The following PTGER4 variants were observed in gnomAD, a reference collection of about 807,000 sequenced individuals.
PTGER4 encodes the protein prostaglandin E2 receptor EP4 subtype.
Under a neutral mutation model 33.2 loss-of-function variants are expected in PTGER4, and 11 were observed. That is an observed-to-expected ratio of 0.33 (90% CI 0.21 to 0.55). PTGER4 has a LOEUF of 0.55. PTGER4 is among the 20% of genes least tolerant of loss of function. PTGER4 has a pLI of 0.92. For synonymous variants in PTGER4, 275 were observed against 281.5 expected (o/e 0.98, Z 0.23); for missense variants, 481 against 650.2 (o/e 0.74, Z 2.83).
At chr5:40,728,332 C>T in the PTGER4 span, 3 of 1,310,006 alleles carry the variant, frequency 2.3e-6, no homozygotes, top group South Asian at 1.3e-5. Flanking sequence ...TTATAATAAT[C>T]TGACTTCCTC....
chr5:40,741,226 C>A, the PTGER4 span, among the ~76,000 whole-genome samples: 1 of 152,140 alleles, frequency 6.6e-6, no homozygotes, highest in African/African-American at 2.4e-5. Context: ...AGTTTGAACC[C>A]TTCAAAAACT....
the PTGER4 span, among the ~76,000 whole-genome samples, chr5:40,732,338 C>T: frequency 6.6e-6 from 1 of 152,008 alleles, no homozygotes; most frequent in Non-Finnish European, 1.5e-5. Flanking sequence ...ATTACTTGTT[C>T]TCACTTTATT....
chr5:40,722,478 G>A, the PTGER4 span, among the ~76,000 whole-genome samples: 7 of 148,410 alleles, frequency 4.7e-5, no homozygotes, highest in African/African-American at 1.2e-4. Context: ...TCTGCCTGGC[G>A]GCCCATCGTC....
downstream of PTGER4, among the ~76,000 whole-genome samples, chr5:40,698,105 AAAAAAAAAAAAAAAC>A (rs1241570532): frequency 4.2e-5 from 6 of 144,164 alleles, no homozygotes; most frequent in South Asian, 2.3e-4. Context: ...AAAAAAAAAA[AAAAAAAAAAAAAAAC>A]CATGAAAAAT....
rs933101998 is a variant in PTGER4, at chr5:40,690,655, T to C, written c.868-1124T>C. ...GAGATCCTGCTGTTGGTGTAAAACT[T>C]TTCAGCATATTCTTTCTAGACTAGA... On this transcript the variant is annotated intron_variant, in intron 2 of 2. Coordinates refer to ENST00000302472, the MANE Select transcript of PTGER4 (RefSeq NM_000958.3). 3.9e-5 allele frequency among the ~76,000 whole-genome samples: 6 copies of C among 152,356 alleles called. No individual in the cohort carries two copies. The East Asian group carries it at 1.2e-3, about 29-fold the overall frequency.
downstream of PTGER4, among the ~76,000 whole-genome samples, chr5:40,694,847 T>G (rs1395409682): frequency 6.6e-6 from 1 of 152,256 alleles, no homozygotes; most frequent in Non-Finnish European, 1.5e-5. Flanking sequence ...CAGTCATCTA[T>G]TCCATATTTA....
chr5:40,719,684 A>G, the PTGER4 span, among the ~76,000 whole-genome samples: 3 of 152,082 alleles, frequency 2.0e-5, no homozygotes, highest in Non-Finnish European at 4.4e-5. Context: ...GAGGACTCCA[A>G]TTTCTCCACA....
chr5:40,681,836 G>A lies in PTGER4; in HGVS notation c.843G>A (p.Val281=). 1.3e-6 allele frequency: 2 copies of A among 1,551,910 alleles called. No homozygotes were observed. Among genetic ancestry groups the A allele is most frequent in the Non-Finnish European group, 1.7e-6 (2 of 1,153,568 alleles). Residue 281 remains valine (V), a synonymous_variant, in exon 2 of 3, where the codon GTG becomes GTA. Coordinates refer to ENST00000302472, the MANE Select transcript of PTGER4 (RefSeq NM_000958.3). This position sits in a 1 kb window ranked among gnomAD's most constrained non-coding sequence, Gnocchi z 9.8. ...TACTCATTGCCACCTCCCTGGTGGT[G>A]CTCATCTGCTCCATCCCGCTCGTGG... ...VILLIATSLV[V]LICSIPLVVR... is the part of the protein sequence containing the mutation.
At chr5:40,741,324 C>G in the PTGER4 span, among the ~76,000 whole-genome samples, 2 of 152,200 alleles carry the variant, frequency 1.3e-5, no homozygotes, top group African/African-American at 4.8e-5. Context: ...CCCCCTGTGA[C>G]TCCAGTAAAT....
At chr5:40,716,226 A>G in the PTGER4 span, 1 of 1,614,228 alleles carries the variant, frequency 6.2e-7, no homozygotes, top group South Asian at 1.1e-5. Context: ...TGGCCCCAGA[A>G]GCAGACACAA....
chr5:40,730,465 C>T, the PTGER4 span: 16 of 689,558 alleles, frequency 2.3e-5, no homozygotes, highest in African/African-American at 2.5e-4. Flanking sequence ...GTGTACAGTT[C>T]AGAGGCATTA....
At chr5:40,701,447 G>A in the PTGER4 span, among the ~76,000 whole-genome samples, 45 of 152,170 alleles carry the variant, frequency 3.0e-4, no homozygotes, top group South Asian at 8.7e-3. Context: ...CTTGAAGACT[G>A]GTTCTCTGAA....
the PTGER4 span, among the ~76,000 whole-genome samples, chr5:40,714,111 G>A: frequency 6.6e-5 from 10 of 152,178 alleles, no homozygotes; most frequent in Non-Finnish European, 1.0e-4. Flanking sequence ...GGGCCTAGTG[G>A]CCACATGCAT....
the PTGER4 span, chr5:40,716,607 A>T: frequency 1.4e-6 from 1 of 713,366 alleles, no homozygotes; most frequent in South Asian, 2.0e-5. Context: ...ATCCTAATGC[A>T]TTATCTTAAT....
At chr5:40,735,458 A>G in the PTGER4 span, among the ~76,000 whole-genome samples, 1 of 152,212 alleles carries the variant, frequency 6.6e-6, no homozygotes, top group Non-Finnish European at 1.5e-5. Context: ...TGAAAAAAAG[A>G]AAGAAATCCA....
chr5:40,726,569 A>G, the PTGER4 span, among the ~76,000 whole-genome samples: 6 of 151,880 alleles, frequency 4.0e-5, no homozygotes, highest in Admixed American at 3.3e-4. Flanking sequence ...AATACTTTCA[A>G]TTCTTCTAAG....
chr5:40,698,003 AACTC>A (rs1484113039), downstream of PTGER4, among the ~76,000 whole-genome samples: 1 of 150,258 alleles, frequency 6.7e-6, no homozygotes, highest in African/African-American at 2.4e-5. Flanking sequence ...TAAGTGAACT[AACTC>A]AGAAACAGAA....
chr5:40,680,979 C>T lies in PTGER4; in HGVS notation c.-15C>T, dbSNP rs1286840579. The T allele has an allele frequency of 1.3e-6, 2 of 1,594,470 alleles. No individual in the cohort carries two copies. The highest frequency in any genetic ancestry group is 1.7e-6 in the Non-Finnish European group (2 of 1,169,748). ...CAGCCTTGCACTCCAAGGCTGCGCA[C>T]CGCCAGCCACTATCATGTCCACTCC... On this transcript the variant is annotated 5_prime_UTR_variant, in exon 2 of 3. Coordinates refer to ENST00000302472, the MANE Select transcript of PTGER4 (RefSeq NM_000958.3). The surrounding 1 kb of genome is among the most constrained non-coding windows in gnomAD (Gnocchi z 5.5).
chr5:40,710,844 A>T, the PTGER4 span, among the ~76,000 whole-genome samples: 2 of 152,018 alleles, frequency 1.3e-5, no homozygotes, highest in Admixed American at 6.6e-5. Flanking sequence ...ACCAAACATC[A>T]CATGTTCTCA....
Sources: gnomAD v4.1 joint callset for allele counts (sites outside exome capture counted in the v4.1 genomes callset) on GRCh38, gnomAD v4.1.1 for gene constraint, Gnocchi (gnomAD v3.1) non-coding constraint, MANE v1.5 for transcripts, NCBI Gene and HGNC (gene_info 2026-07-23, HGNC 2026-07-21) for gene names.